The following RYR2 variants were observed in gnomAD, a reference collection of about 807,000 sequenced individuals.
The protein encoded by RYR2 is ryanodine receptor 2, also known as cardiac muscle ryanodine receptor-calcium release channel.
In RYR2, 227 loss-of-function variants were observed where a neutral mutation model predicts 601.1. That is an observed-to-expected ratio of 0.38 (90% CI 0.34 to 0.42). RYR2 has a LOEUF of 0.42. Ranked by LOEUF, RYR2 falls within the 10% of genes least tolerant of loss-of-function variation. The pLI, the probability that RYR2 is intolerant of heterozygous loss-of-function variation, is 1.00. For synonymous variants in RYR2, 2,223 were observed against 2,175.1 expected (o/e 1.02, Z -0.61); for missense variants, 4,646 against 6,156.5 (o/e 0.75, Z 8.21).
intron 27 of RYR2, among the ~76,000 whole-genome samples, chr1:237,556,009 A>G (rs1359610533): frequency 6.6e-6 from 1 of 152,152 alleles, no homozygotes; most frequent in Admixed American, 6.5e-5. Context: ...GCTTTTAGAG[A>G]TAACTTTACT....
intron 8 of RYR2, among the ~76,000 whole-genome samples, chr1:237,384,959 G>A (rs968111247): frequency 4.0e-5 from 6 of 151,798 alleles, no homozygotes; most frequent in East Asian, 1.9e-4. Context: ...GCGTGATCTC[G>A]GCTCACTGCA....
chr1:237,058,108 G>GT (rs934269214), intron 1 of RYR2, among the ~76,000 whole-genome samples: 7 of 152,238 alleles, frequency 4.6e-5, no homozygotes, highest in East Asian at 3.9e-4. Context: ...TTGCTGGCGG[G>GT]TTTTTTCTCA....
At chr1:237,665,270 G>A (rs566573571) in intron 56 of RYR2, among the ~76,000 whole-genome samples, 30 of 151,954 alleles carry the variant, frequency 2.0e-4, no homozygotes, top group East Asian at 5.8e-4. Context: ...ACAGAGATGC[G>A]TGCCTGTAAT....
At chr1:237,218,403 A>G (rs1005000808) in intron 1 of RYR2, among the ~76,000 whole-genome samples, 1 of 152,166 alleles carries the variant, frequency 6.6e-6, no homozygotes, top group Admixed American at 6.5e-5. Context: ...TAGGACGTGT[A>G]TGCATTATAT....
chr1:237,587,419 A>G (rs1189666309), intron 29 of RYR2, among the ~76,000 whole-genome samples: 1 of 152,174 alleles, frequency 6.6e-6, no homozygotes, highest in Non-Finnish European at 1.5e-5. Flanking sequence ...ACATTGAAGA[A>G]AATTTGTTAA....
intron 1 of RYR2, among the ~76,000 whole-genome samples, chr1:237,126,487 C>T (rs774975152): frequency 4.6e-5 from 7 of 152,132 alleles, no homozygotes; most frequent in Non-Finnish European, 8.8e-5. Context: ...TTATCTCCCT[C>T]CCTCCTACCC....
At chr1:237,803,145 G>A (rs1353121081) in intron 98 of RYR2, among the ~76,000 whole-genome samples, 1 of 151,956 alleles carries the variant, frequency 6.6e-6, no homozygotes, top group African/African-American at 2.4e-5. Context: ...TTACTTCATG[G>A]GATATACCTA....
At chr1:237,091,801 G>T (rs1666987695) in intron 1 of RYR2, among the ~76,000 whole-genome samples, 1 of 152,134 alleles carries the variant, frequency 6.6e-6, no homozygotes, top group African/African-American at 2.4e-5. Flanking sequence ...TCCTATCCTT[G>T]CCCTTTAAAT....
At chr1:237,397,390 C>A (rs897162239) in intron 10 of RYR2, among the ~76,000 whole-genome samples, 4 of 151,998 alleles carry the variant, frequency 2.6e-5, no homozygotes, top group African/African-American at 9.7e-5. Context: ...GTAAATGGTC[C>A]CGAGGCCGTT....
chr1:237,553,155 A>G (rs1402511766), intron 27 of RYR2, among the ~76,000 whole-genome samples: 1 of 152,034 alleles, frequency 6.6e-6, no homozygotes, highest in Non-Finnish European at 1.5e-5. Flanking sequence ...CTATGCAAAA[A>G]CAAAAATATT....
chr1:237,284,505 A>G (rs12096205), intron 2 of RYR2, among the ~76,000 whole-genome samples: 1 of 142,008 alleles, frequency 7.0e-6, no homozygotes, highest in South Asian at 2.2e-4. Context: ...AATATATATA[A>G]AATATATATA....
At chr1:237,589,512 G>T (rs978301145) in intron 29 of RYR2, among the ~76,000 whole-genome samples, 21 of 152,142 alleles carry the variant, frequency 1.4e-4, no homozygotes, top group African/African-American at 4.8e-4. Flanking sequence ...AGGACCAGGG[G>T]CTGCATAGCA....
chr1:237,773,794 A>G, intron 87 of RYR2, 146 bp downstream of exon 87: 1 of 654,882 alleles, frequency 1.5e-6, no homozygotes, highest in Non-Finnish European at 2.5e-6. Flanking sequence ...TTGAGATGTG[A>G]ATTTATATGG....
At chr1:237,333,608 T>G (rs1175589584) in intron 3 of RYR2, 1 of 455,954 alleles carries the variant, frequency 2.2e-6, no homozygotes, top group Non-Finnish European at 4.4e-6. Context: ...CATAAGGATG[T>G]GCACCAGCTA....
At chr1:237,505,325 T>G (rs1164102472) in intron 22 of RYR2, among the ~76,000 whole-genome samples, 1 of 152,216 alleles carries the variant, frequency 6.6e-6, no homozygotes, top group Non-Finnish European at 1.5e-5. Context: ...TGAAGTAGCT[T>G]CAGTGAGGTT....
At position 237,335,418 on chromosome 1, in the gene RYR2, GT is replaced by G. The variant is rs547010352; in HGVS notation, c.273+4440del. On this transcript the variant is annotated intron_variant, in intron 3 of 104. Transcript: ENST00000366574. ...ACGTAGTATAGTAGAAAGGGCTTTG[GT>G]TTTGGAGTCCAGGAAATTTACTGAA... 7.9e-4 allele frequency among the ~76,000 whole-genome samples: 120 copies of G among 152,218 alleles called. No homozygotes were observed. The Middle Eastern group carries it at 0.01, about 13-fold the overall frequency.
intron 2 of RYR2, among the ~76,000 whole-genome samples, chr1:237,322,499 A>G (rs1695716204): frequency 6.6e-6 from 1 of 152,156 alleles, no homozygotes; most frequent in African/African-American, 2.4e-5. Context: ...GGTTACTGTA[A>G]AAGATATTTT....
At position 237,247,917 on chromosome 1, in the gene RYR2, G is replaced by A. The variant is rs75825977; in HGVS notation, c.49-22580G>A. On this transcript the variant is annotated intron_variant, in intron 1 of 104. Coordinates refer to ENST00000366574, the MANE Select transcript of RYR2 (RefSeq NM_001035.3). ...AGATCCAGAGTTTCTGTCCATGCTG[G>A]TACCTCAACTACAAAACAGGAGGCT... Among the ~76,000 whole-genome samples, 617 of 152,216 alleles carry A rather than the reference G, an allele frequency of 4.1e-3. 5 individuals are homozygous for A. The highest frequency in any genetic ancestry group is 0.031 in the East Asian group (159 of 5,164).
At chr1:237,607,499 C>T (rs544402727) in intron 35 of RYR2, among the ~76,000 whole-genome samples, 31 of 152,160 alleles carry the variant, frequency 2.0e-4, no homozygotes, top group African/African-American at 7.2e-4. Flanking sequence ...GGGTGCAGCA[C>T]ACCAACATGG....
Sources: allele counts gnomAD v4.1 joint callset (sites outside exome capture counted in the v4.1 genomes callset), GRCh38; gene constraint gnomAD v4.1.1; transcripts MANE v1.5; gene names NCBI Gene and HGNC (gene_info 2026-07-23, HGNC 2026-07-21).